Variants in SFI1 observed in about 807,000 individuals in gnomAD.
SFI1 encodes SFI1 centrin binding protein, also known as protein SFI1 homolog.
In SFI1, 195 loss-of-function variants were observed where a neutral mutation model predicts 207.5. The ratio of observed to expected loss-of-function variants is 0.94; its 90% CI spans 0.84 to 1.06. The LOEUF (loss-of-function observed/expected upper bound fraction) is 1.06. Ranked by LOEUF, SFI1 falls within the 50% of genes least tolerant of loss-of-function variation. The pLI, the probability that SFI1 is intolerant of heterozygous loss-of-function variation, is 0.00. For missense variants in SFI1, 1,634 were observed against 1,588.0 expected (o/e 1.03, Z -0.49); for synonymous variants, 630 against 598.9 (o/e 1.05, Z -0.76).
rs530197414 is a variant in SFI1, at chr22:31,584,916, T to G, written c.1347-152T>G. On this transcript the variant is annotated intron_variant, in intron 13 of 32. Transcript: ENST00000400288. ...AGAGGTTGACAAATTTTATATTAGA[T>G]ATCAGGTTCTTATTGCCGTCTCTCC... The G allele has an allele frequency of 1.6e-3, 790 of 508,126 alleles. 10 individuals are homozygous for G. Among genetic ancestry groups the G allele is most frequent in the Middle Eastern group, 0.014 (49 of 3,500 alleles). 31.5% of individuals were successfully genotyped at this position (508,126 alleles called of 1,614,324 possible). A position where few individuals can be genotyped will look rare whatever the true frequency, so the allele number is the denominator to read the frequency against.
At chr22:31,512,862 A>G (rs537538034) in intron 2 of SFI1, among the ~76,000 whole-genome samples, 21 of 151,164 alleles carry the variant, frequency 1.4e-4, no homozygotes, top group Non-Finnish European at 3.1e-4. Context: ...AATTTTTTGT[A>G]TTTTTAGTAG....
chr22:31,549,830 CT>C lies in SFI1; in HGVS notation c.450-410del, dbSNP rs555982116. 4.3e-3 allele frequency among the ~76,000 whole-genome samples: 590 copies of C among 135,858 alleles called. 1 individual carries two copies. The highest frequency in any genetic ancestry group is 7.8e-3 in the Middle Eastern group (2 of 258). 89.1% of individuals were successfully genotyped at this position (135,858 alleles called of 152,430 possible). A position where few individuals can be genotyped will look rare whatever the true frequency, so the allele number is the denominator to read the frequency against. On this transcript the variant is annotated intron_variant, in intron 5 of 32. Coordinates refer to ENST00000400288, the MANE Select transcript of SFI1 (RefSeq NM_001007467.3). ...AATTTTAGCTTTGGTGCAGATATGGCTTTTTTTTTTTTTTAATCAGAAGCGT... is the reference window on the plus strand; with the variant it reads ...AATTTTAGCTTTGGTGCAGATATGGCTTTTTTTTTTTTTAATCAGAAGCGT...
intron 2 of SFI1, among the ~76,000 whole-genome samples, chr22:31,509,301 A>G (rs1276863089): frequency 6.6e-6 from 1 of 152,204 alleles, no homozygotes; most frequent in Non-Finnish European, 1.5e-5. Context: ...GTTGAGGAGC[A>G]AGGAAGCCAG....
At chr22:31,514,369 G>A (rs9606852) in intron 2 of SFI1, among the ~76,000 whole-genome samples, 32,705 of 150,930 alleles carry the variant, frequency 0.22, 4,524 homozygotes, top group East Asian at 0.43. Flanking sequence ...TTAGCTGGGC[G>A]TGGTGGCGGG....
At chr22:31,521,083 T>C (rs1316061233) in intron 2 of SFI1, 1 of 148,402 alleles carries the variant, frequency 6.7e-6, no homozygotes, top group Non-Finnish European at 1.5e-5. Context: ...ACTAAAAAAA[T>C]TTTTAAAAAT....
intron 10 of SFI1, among the ~76,000 whole-genome samples, chr22:31,577,603 G>A (rs1031503901): frequency 2.0e-5 from 3 of 152,090 alleles, no homozygotes; most frequent in African/African-American, 7.2e-5. Flanking sequence ...AAGAGGCTGG[G>A]GGCAGTGGCT....
At chr22:31,516,192 C>G (rs2056468094) in intron 2 of SFI1, among the ~76,000 whole-genome samples, 1 of 152,006 alleles carries the variant, frequency 6.6e-6, no homozygotes, top group Admixed American at 6.6e-5. Context: ...TCCCTCTGCT[C>G]TCTTCATCAT....
At chr22:31,548,774 A>G (rs1602515465) in intron 5 of SFI1, among the ~76,000 whole-genome samples, 1 of 151,794 alleles carries the variant, frequency 6.6e-6, no homozygotes, top group Non-Finnish European at 1.5e-5. Context: ...ATGCCACTGC[A>G]CTCCAGTCTG....
intron 15 of SFI1, among the ~76,000 whole-genome samples, chr22:31,593,024 A>G (rs1293344755): frequency 5.8e-5 from 5 of 86,502 alleles, no homozygotes; most frequent in Non-Finnish European, 6.7e-5. Flanking sequence ...ACGGCTGGCC[A>G]GGTGGGGGGC....
At chr22:31,502,161 G>T (rs1183270818) in intron 1 of SFI1, among the ~76,000 whole-genome samples, 1 of 152,130 alleles carries the variant, frequency 6.6e-6, no homozygotes, top group Non-Finnish European at 1.5e-5. Context: ...TATTAAAAGG[G>T]TTTGGATCTT....
intron 23 of SFI1, 31 bp from the exon 24 acceptor site, chr22:31,611,735 C>A: frequency 1.2e-6 from 2 of 1,604,946 alleles, no homozygotes; most frequent in South Asian, 2.2e-5. Context: ...TGGGTCAGGA[C>A]GCCACTCTCT....
intron 2 of SFI1, among the ~76,000 whole-genome samples, chr22:31,524,146 G>T (rs1019854748): frequency 6.6e-6 from 1 of 151,890 alleles, no homozygotes; most frequent in Admixed American, 6.6e-5. Flanking sequence ...AGGTTGCAGT[G>T]AGCCGAGATG....
chr22:31,600,997 T>G (rs1003887834), intron 15 of SFI1, among the ~76,000 whole-genome samples: 1 of 152,194 alleles, frequency 6.6e-6, no homozygotes, highest in African/African-American at 2.4e-5. Flanking sequence ...TTCACCAACA[T>G]GTAGCCCCTA....
At chr22:31,553,664 A>T (rs1230705472) in intron 6 of SFI1, among the ~76,000 whole-genome samples, 3 of 150,486 alleles carry the variant, frequency 2.0e-5, no homozygotes, top group Non-Finnish European at 3.0e-5. Context: ...TGAGCCACCA[A>T]GCCCAGCTGG....
chr22:31,531,197 G>T, intron 4 of SFI1, 68 bp downstream of exon 4: 1 of 1,293,806 alleles, frequency 7.7e-7, no homozygotes, highest in South Asian at 1.3e-5. Context: ...TATTAAGCCT[G>T]TATATAAACT....
intron 8 of SFI1, among the ~76,000 whole-genome samples, chr22:31,569,718 C>CG (rs1227446676): frequency 1.3e-5 from 2 of 151,970 alleles, no homozygotes; most frequent in Non-Finnish European, 2.9e-5. Flanking sequence ...GAAGCCAAGG[C>CG]GGGGGGACAG....
chr22:31,530,261 C>T lies in SFI1; in HGVS notation c.267-797C>T, dbSNP rs534287735. ...ATCCCAGCACTTTGGGAGGCCGAGG[C>T]GGGTGGATCATGAGGTCAGGAGATC... is the stretch of plus-strand genomic sequence containing the variant. On this transcript the variant is annotated intron_variant, in intron 3 of 32. Transcript: ENST00000400288. Among the ~76,000 whole-genome samples, 12 of 137,454 alleles carry T rather than the reference C, an allele frequency of 8.7e-5. No homozygotes were observed. In the East Asian group the frequency reaches 2.2e-3, roughly 25 times the overall value. 90.2% of individuals were successfully genotyped at this position (137,454 alleles called of 152,430 possible). A position where few individuals can be genotyped will look rare whatever the true frequency, so the allele number is the denominator to read the frequency against.
intron 15 of SFI1, among the ~76,000 whole-genome samples, chr22:31,592,654 A>C (rs1371068440): frequency 2.6e-5 from 1 of 37,744 alleles, no homozygotes; most frequent in African/African-American, 1.3e-4. Flanking sequence ...CCTCCCTCCC[A>C]GACAGGGCGG....
chr22:31,501,928 A>T lies in SFI1; in HGVS notation c.-31+5291A>T, dbSNP rs1470040805. On this transcript the variant is annotated intron_variant, in intron 1 of 32. Transcript: ENST00000400288. ...CACGATAAGCACATTAGCTTCATTG[A>T]CATGTCTAAATGATCCTAGTGTCAG... Among the ~76,000 whole-genome samples, 3 of 152,096 alleles carry T rather than the reference A, an allele frequency of 2.0e-5. No homozygotes were observed. The East Asian group carries it at 5.8e-4, about 29-fold the overall frequency.
Sources: gnomAD v4.1 joint callset for allele counts (sites outside exome capture counted in the v4.1 genomes callset) on GRCh38, gnomAD v4.1.1 for gene constraint, MANE v1.5 for transcripts, NCBI Gene and HGNC (gene_info 2026-07-23, HGNC 2026-07-21) for gene names.